PPP4R3A: variants seen among roughly 807,000 people sequenced by gnomAD.
PPP4R3A encodes the protein protein phosphatase 4 regulatory subunit 3A, also known as serine/threonine-protein phosphatase 4 regulatory subunit 3A.
A neutral mutation model predicts 91.7 loss-of-function variants in PPP4R3A; 15 were observed. The observed-to-expected ratio is 0.16, with a 90% CI of 0.11 to 0.25. PPP4R3A has a LOEUF of 0.25. Among genes scored for constraint, PPP4R3A ranks in the 10% least tolerant of loss-of-function variants. The pLI is 1.00. For synonymous variants in PPP4R3A, 377 were observed against 348.7 expected, an observed-to-expected ratio of 1.08 and a Z score of -0.91; for missense variants, 623 against 998.4, an observed-to-expected ratio of 0.62 and a Z score of 5.07.
intron 14 of PPP4R3A, among the ~76,000 whole-genome samples, chr14:91,460,594 C>T (rs992174495): frequency 7.4e-5 from 11 of 148,874 alleles, no homozygotes; most frequent in African/African-American, 2.7e-4. Flanking sequence ...TGGTTTTATT[C>T]TGAGATTGCA....
chr14:91,458,816 CTCA>C lies in PPP4R3A; in HGVS notation c.2442_2444del (p.Asp814del), dbSNP rs746009868. On this transcript the variant is annotated inframe_deletion, in exon 15 of 15. Coordinates refer to ENST00000554943, the MANE Select transcript of PPP4R3A (RefSeq NM_001366432.2). ...GTAACGTATCTTCCTTATCTTCATC[CTCA>C]TCATCATCTTCATCATCATCAGGAT... is the stretch of plus-strand genomic sequence containing the variant. 2.8e-5 allele frequency: 45 copies of C among 1,613,298 alleles called. 1 individual carries two copies. The East Asian group carries it at 4.2e-4, about 15-fold the overall frequency.
chr14:91,465,343 C>G lies in PPP4R3A; in HGVS notation c.1737G>C (p.Leu579Phe), dbSNP rs768259398. Residue 579 changes from leucine to phenylalanine, a missense_variant, in exon 11 of 15, where the codon TTG (leucine) becomes TTC (phenylalanine). Around this residue, in one of 5 missense-constraint regions of PPP4R3A, gnomAD observed 87 missense variants for 233.9 expected, o/e 0.37. Coordinates refer to ENST00000554943, the MANE Select transcript of PPP4R3A (RefSeq NM_001366432.2). ...GAAATGCTTTCACTACTGGTTCAAA[C>G]AAAAAACTTTTCATTATGTAGCGGT... ...FYNRYIMKSF[L>F]FEPVVKAFLN... The G allele has an allele frequency of 2.5e-6, 4 of 1,608,208 alleles. No individual in the cohort carries two copies. Among genetic ancestry groups the G allele is most frequent in the Non-Finnish European group, 2.5e-6 (3 of 1,178,452 alleles).
At chr14:91,493,650 G>T (rs61402235) in intron 1 of PPP4R3A, among the ~76,000 whole-genome samples, 1 of 147,420 alleles carries the variant, frequency 6.8e-6, no homozygotes, top group Non-Finnish European at 1.5e-5. Context: ...ATTTAAAAAA[G>T]GTATAAAAAT....
intron 1 of PPP4R3A, among the ~76,000 whole-genome samples, chr14:91,506,913 T>C (rs1029005312): frequency 6.6e-6 from 1 of 152,216 alleles, no homozygotes; most frequent in South Asian, 2.1e-4. Context: ...ATCAGTAATT[T>C]AGTTAAGCTC....
chr14:91,499,691 C>T (rs1413246984), intron 1 of PPP4R3A, among the ~76,000 whole-genome samples: 6 of 151,652 alleles, frequency 4.0e-5, no homozygotes, highest in African/African-American at 7.3e-5. Context: ...CATGGTGGTG[C>T]GTGCCTGTAA....
At chr14:91,462,978 T>G (rs1785825173) in intron 11 of PPP4R3A, 101 bp from the exon 12 acceptor site, 2 of 896,524 alleles carry the variant, frequency 2.2e-6, no homozygotes, top group East Asian at 5.0e-5. Flanking sequence ...TAGCTTAATT[T>G]AATAAAACTA....
rs774862593 is a variant in PPP4R3A, at chr14:91,509,669, C to A, written c.-22G>T. On this transcript the variant is annotated 5_prime_UTR_variant, in exon 1 of 15. Transcript: ENST00000554943. ...TCATCGTGCCGCCCGGGAACCGGGG[C>A]GGGGGCCCCGCCAGTAGACGCCCAG... is the stretch of plus-strand genomic sequence containing the variant. 9 of 1,567,112 alleles carry A rather than the reference C, an allele frequency of 5.7e-6. No individual in the cohort carries two copies. In the African/African-American group the frequency reaches 1.2e-4, roughly 21 times the overall value.
chr14:91,488,150 G>A (rs1890014075), intron 2 of PPP4R3A, among the ~76,000 whole-genome samples: 1 of 151,438 alleles, frequency 6.6e-6, no homozygotes. Flanking sequence ...GATCACACCT[G>A]TGAATAATAG....
At chr14:91,502,376 T>C (rs1891020415) in intron 1 of PPP4R3A, among the ~76,000 whole-genome samples, 1 of 152,106 alleles carries the variant, frequency 6.6e-6, no homozygotes, top group South Asian at 2.1e-4. Flanking sequence ...CAGTGAGCTA[T>C]GATCGTGGCA....
At chr14:91,484,700 T>A (rs796282291) in intron 3 of PPP4R3A, among the ~76,000 whole-genome samples, 1 of 152,218 alleles carries the variant, frequency 6.6e-6, no homozygotes, top group Admixed American at 6.5e-5. Flanking sequence ...GTCTCAGAAT[T>A]TGCATTTCTA....
chr14:91,503,443 C>T (rs1275861795), intron 1 of PPP4R3A, among the ~76,000 whole-genome samples: 1 of 152,198 alleles, frequency 6.6e-6, no homozygotes, highest in Non-Finnish European at 1.5e-5. Context: ...TAACACCACA[C>T]ATGGCTAATT....
chr14:91,490,452 G>A (rs1480470148), intron 2 of PPP4R3A, among the ~76,000 whole-genome samples: 1 of 151,910 alleles, frequency 6.6e-6, no homozygotes, highest in African/African-American at 2.4e-5. Flanking sequence ...AACTGTGTTT[G>A]TAGCAGCTTA....
chr14:91,509,904 C>G lies in PPP4R3A; in HGVS notation c.-257G>C. On this transcript the variant is annotated 5_prime_UTR_variant, in exon 1 of 15. Coordinates refer to ENST00000554943, the MANE Select transcript of PPP4R3A (RefSeq NM_001366432.2). The stretch of plus-strand genomic sequence containing the variant: ...CTGGCGAGCCCGGCGCCCGGCAGCC[C>G]CGAGGGGGCCGCGCAGCGCTTCGTA... 1 of 1,065,810 alleles carries G rather than the reference C, an allele frequency of 9.4e-7. No homozygotes were observed. The highest frequency in any genetic ancestry group is 1.1e-6 in the Non-Finnish European group (1 of 883,500). The allele number at this position is 1,065,810 out of a possible 1,614,324, so 66.0% of individuals were successfully genotyped here.
intron 7 of PPP4R3A, chr14:91,474,904 T>C (rs1858272334): frequency 6.6e-6 from 1 of 152,232 alleles, no homozygotes; most frequent in Non-Finnish European, 1.5e-5. Flanking sequence ...TTTGCACCTA[T>C]CCTGCACTAT....
At chr14:91,487,756 C>T (rs1017326692) in intron 2 of PPP4R3A, among the ~76,000 whole-genome samples, 16 of 152,300 alleles carry the variant, frequency 1.1e-4, no homozygotes, top group East Asian at 3.9e-4. Flanking sequence ...GTCTCTATCA[C>T]TCATACTGCA....
intron 1 of PPP4R3A, among the ~76,000 whole-genome samples, chr14:91,496,640 T>C (rs1183981660): frequency 6.6e-6 from 1 of 152,190 alleles, no homozygotes; most frequent in Admixed American, 6.5e-5. Flanking sequence ...GGAAATGTTT[T>C]TCTGGTCTAT....
chr14:91,471,955 C>G (rs1366961969), intron 9 of PPP4R3A, among the ~76,000 whole-genome samples: 3 of 150,642 alleles, frequency 2.0e-5, no homozygotes, highest in Non-Finnish European at 4.4e-5. Flanking sequence ...ATCCCAGTTA[C>G]TCAGAAGGCT....
intron 14 of PPP4R3A, among the ~76,000 whole-genome samples, chr14:91,461,034 C>A (rs755281425): frequency 3.9e-5 from 6 of 152,196 alleles, no homozygotes; most frequent in Non-Finnish European, 8.8e-5. Context: ...CATTTCCCCA[C>A]AAAGGCTTTA....
At chr14:91,495,912 C>G (rs1890534435) in intron 1 of PPP4R3A, among the ~76,000 whole-genome samples, 1 of 128,080 alleles carries the variant, frequency 7.8e-6, no homozygotes, top group African/African-American at 3.1e-5. Flanking sequence ...GAGCAAGACC[C>G]AGTCTCAAAA....
Sources: gnomAD v4.1 joint callset for allele counts (sites outside exome capture counted in the v4.1 genomes callset) on GRCh38, gnomAD v4.1.1 for gene constraint, gnomAD v4.1.1 regional missense constraint, MANE v1.5 for transcripts, NCBI Gene and HGNC (gene_info 2026-07-23, HGNC 2026-07-21) for gene names.